RGSL1: variants seen among roughly 807,000 people sequenced by gnomAD.
RGSL1 encodes the protein regulator of G protein signaling protein-like.
RGSL1 carries 97 observed loss-of-function variants against 124.7 expected under a neutral mutation model. That is an observed-to-expected ratio of 0.78 (90% confidence interval 0.66 to 0.92). RGSL1 has a LOEUF of 0.92. Ranked by LOEUF, RGSL1 falls within the 40% of genes least tolerant of loss-of-function variation. RGSL1 has a pLI of 0.00. For missense variants in RGSL1, 1,233 were observed against 1,288.4 expected, an observed-to-expected ratio of 0.96 and a Z score of 0.66; for synonymous variants, 424 against 438.1, an observed-to-expected ratio of 0.97 and a Z score of 0.40.
chr1:182,518,256 A>G (rs1658049816), intron 9 of RGSL1, among the ~76,000 whole-genome samples: 1 of 152,094 alleles, frequency 6.6e-6, no homozygotes, highest in Non-Finnish European at 1.5e-5. Context: ...CTGGTCTACT[A>G]GGTCACAGCC....
chr1:182,530,453 C>A, intron 12 of RGSL1, 92 bp downstream of exon 12: 1 of 991,584 alleles, frequency 1.0e-6, no homozygotes, highest in South Asian at 1.6e-5. Flanking sequence ...AATCCATTTT[C>A]ATAGCTCATT....
Position 182,530,829 on chromosome 1 carries a change from G to A in RGSL1, c.2283G>A (p.Gln761=). 1.9e-6 allele frequency: 3 copies of A among 1,550,116 alleles called. No individual in the cohort carries two copies. The highest frequency in any genetic ancestry group is 2.6e-6 in the Non-Finnish European group (3 of 1,146,104). ...AAGACCTGTTCCCACCTCACCATCA[G>A]GAGGTGGAAGTGCAAAGTGAAGTAC... The part of the protein sequence containing the change: ...DYQDLFPPHH[Q]EVEVQSEVQI... The change falls in exon 13 of 22, where the codon CAG becomes CAA. Residue 761 remains glutamine (Q), a synonymous_variant. Coordinates refer to ENST00000294854, the MANE Select transcript of RGSL1 (RefSeq NM_001137669.2).
intron 9 of RGSL1, among the ~76,000 whole-genome samples, chr1:182,495,401 G>A (rs1190393636): frequency 1.3e-5 from 2 of 152,136 alleles, no homozygotes; most frequent in South Asian, 2.1e-4. Flanking sequence ...GCAATACAAA[G>A]ATCTCCACAT....
Position 182,521,878 on chromosome 1 carries a change from A to G in RGSL1, c.1826-126A>G, listed in dbSNP as rs993362575. ...TAACACTAGATGAACTTAACCTGAG[A>G]TGGCAGCAGTTGTGGGGACAGGGAT... On this transcript the variant is annotated intron_variant, in intron 9 of 21. Coordinates refer to ENST00000294854, the MANE Select transcript of RGSL1 (RefSeq NM_001137669.2). 14 of 631,306 alleles carry G rather than the reference A, an allele frequency of 2.2e-5. No individual in the cohort carries two copies. In the African/African-American group the frequency reaches 2.6e-4, roughly 12 times the overall value. The allele number at this position is 631,306 out of a possible 1,614,324, so 39.1% of individuals were successfully genotyped here.
chr1:182,463,226 G>A (rs1466998145), intron 4 of RGSL1, among the ~76,000 whole-genome samples: 2 of 151,294 alleles, frequency 1.3e-5, no homozygotes, highest in Non-Finnish European at 2.9e-5. Flanking sequence ...CCTGGGAGGC[G>A]GAGCTTGCAG....
intron 9 of RGSL1, among the ~76,000 whole-genome samples, chr1:182,505,047 C>T (rs980481967): frequency 6.6e-6 from 1 of 152,114 alleles, no homozygotes; most frequent in Admixed American, 6.5e-5. Flanking sequence ...CATATGTATC[C>T]TTCCCCAACT....
At chr1:182,538,479 G>T (rs1659686672) in intron 14 of RGSL1, among the ~76,000 whole-genome samples, 1 of 151,826 alleles carries the variant, frequency 6.6e-6, no homozygotes, top group East Asian at 1.9e-4. Context: ...AATGAGCTGA[G>T]ATCGTGCCAC....
At chr1:182,540,669 A>G (rs1659836705) in intron 15 of RGSL1, among the ~76,000 whole-genome samples, 1 of 152,180 alleles carries the variant, frequency 6.6e-6, no homozygotes, top group South Asian at 2.1e-4. Flanking sequence ...TAGTCCCAGA[A>G]AAGGGAGCAT....
At chr1:182,472,945 C>A (rs899505684) in intron 5 of RGSL1, among the ~76,000 whole-genome samples, 2 of 152,102 alleles carry the variant, frequency 1.3e-5, no homozygotes, top group African/African-American at 4.8e-5. Flanking sequence ...GAGCTAAGAC[C>A]GTTTTTACAT....
intron 14 of RGSL1, among the ~76,000 whole-genome samples, chr1:182,537,503 TTA>T (rs2102290424): frequency 6.6e-6 from 1 of 152,348 alleles, no homozygotes; most frequent in African/African-American, 2.4e-5. Flanking sequence ...GTTGTAAATT[TTA>T]TCTTTTTAGG....
intron 9 of RGSL1, among the ~76,000 whole-genome samples, chr1:182,507,909 C>T (rs531601158): frequency 7.2e-5 from 11 of 152,082 alleles, no homozygotes; most frequent in Admixed American, 1.3e-4. Flanking sequence ...TGGCATGTTG[C>T]CCAGGCTGAT....
Position 182,548,782 on chromosome 1 carries a change from C to G in RGSL1, c.2891C>G (p.Ala964Gly), listed in dbSNP as rs374807680. 3.4e-5 allele frequency: 52 copies of G among 1,551,658 alleles called. No homozygotes were observed. In the African/African-American group the frequency reaches 6.2e-4, roughly 18 times the overall value. ...GYLDRSVFHG[A>G]IMSVFPVVMY... is the part of the protein sequence containing the mutation. Reference sequence around the variant, plus strand: ...CTAGATCGGAGCGTCTTCCATGGGGCTATCATGTCTGTCTTCCCCGTTGTT... The same window carrying G: ...CTAGATCGGAGCGTCTTCCATGGGGGTATCATGTCTGTCTTCCCCGTTGTT... The change falls in exon 17 of 22, where the codon GCT (alanine) becomes GGT (glycine). Residue 964 changes from alanine (A) to glycine (G), a missense_variant. Ala to Gly is a moderately conservative substitution (Grantham distance 60). Coordinates refer to ENST00000294854, the MANE Select transcript of RGSL1 (RefSeq NM_001137669.2).
chr1:182,554,366 C>T (rs557216250), intron 19 of RGSL1, among the ~76,000 whole-genome samples: 10 of 152,316 alleles, frequency 6.6e-5, no homozygotes, highest in Admixed American at 2.0e-4. Context: ...TTTTACTTCC[C>T]TAAGTCTATG....
intron 9 of RGSL1, among the ~76,000 whole-genome samples, chr1:182,508,540 C>T (rs955991815): frequency 5.9e-5 from 9 of 151,716 alleles, no homozygotes; most frequent in African/African-American, 2.2e-4. Context: ...CTCAGGTGAT[C>T]CACCCGCCTC....
At chr1:182,542,721 T>C (rs1014259612) in intron 15 of RGSL1, among the ~76,000 whole-genome samples, 2 of 152,162 alleles carry the variant, frequency 1.3e-5, no homozygotes, top group African/African-American at 2.4e-5. Flanking sequence ...CAATTGTGTG[T>C]GTCTTCTTCA....
In RGSL1 at chr1:182,473,624, G is replaced by A; in HGVS notation, c.513G>A (p.Arg171=). The A allele has an allele frequency of 1.9e-6, 3 of 1,551,146 alleles. No individual in the cohort carries two copies. The highest frequency in any genetic ancestry group is 2.6e-6 in the Non-Finnish European group (3 of 1,146,718). Residue 171 remains arginine, a synonymous_variant, in exon 6 of 22, where the codon AGG becomes AGA. Coordinates refer to ENST00000294854, the MANE Select transcript of RGSL1 (RefSeq NM_001137669.2). ...SIWHPNQSTT[R]REILSHMQKV... is the part of the protein sequence containing the mutation. ...GGCATCCCAACCAATCAACCACTAG[G>A]AGGGAGATCCTGAGCCACATGCAGA...
intron 4 of RGSL1, among the ~76,000 whole-genome samples, chr1:182,465,451 C>T (rs990827273): frequency 7.0e-5 from 9 of 128,366 alleles, no homozygotes; most frequent in East Asian, 4.5e-4. Context: ...CATCACACAC[C>T]GGGGCCTATC....
chr1:182,496,861 T>C (rs1052481409), intron 9 of RGSL1, among the ~76,000 whole-genome samples: 7 of 147,404 alleles, frequency 4.7e-5, no homozygotes, highest in Admixed American at 1.4e-4. Flanking sequence ...TGTCCAAATA[T>C]GCACCAGATC....
In RGSL1 at chr1:182,494,585, C is replaced by A. The variant is rs755447453; in HGVS notation, c.1825+1456C>A. Among the ~76,000 whole-genome samples the A allele has an allele frequency of 5.3e-4, 80 of 152,092 alleles. 1 individual carries two copies. The highest frequency in any genetic ancestry group is 8.1e-4 in the Non-Finnish European group (55 of 68,016). ...CAGCACTGGTCTAGACCTACAGAACCTAAAGGTATAAAGATGACAAATTTC... is the reference window on the plus strand; with the variant it reads ...CAGCACTGGTCTAGACCTACAGAACATAAAGGTATAAAGATGACAAATTTC... On this transcript the variant is annotated intron_variant, in intron 9 of 21. Coordinates refer to ENST00000294854, the MANE Select transcript of RGSL1 (RefSeq NM_001137669.2).
Sources: allele counts gnomAD v4.1 joint callset (sites outside exome capture counted in the v4.1 genomes callset), GRCh38; gene constraint gnomAD v4.1.1; transcripts MANE v1.5; gene names NCBI Gene and HGNC (gene_info 2026-07-23, HGNC 2026-07-21).